The following STX2 variants were observed in gnomAD, a reference collection of about 807,000 sequenced individuals.
STX2 encodes syntaxin-2.
In STX2, 27 loss-of-function variants were observed where a neutral mutation model predicts 40.6. The ratio of observed to expected loss-of-function variants is 0.66; its 90% CI spans 0.49 to 0.92. The LOEUF (loss-of-function observed/expected upper bound fraction) is 0.92, where lower values mean the gene tolerates loss of function less well. Ranked by LOEUF, STX2 falls within the 40% of genes least tolerant of loss-of-function variation. STX2 has a pLI of 0.00. For missense variants in STX2, 328 were observed against 366.1 expected (o/e 0.90, Z 0.85); for synonymous variants, 123 against 119.1 (o/e 1.03, Z -0.22).
chr12:130,839,069 C>A lies in STX2; in HGVS notation c.30+1G>T. On this transcript the variant is annotated splice_donor_variant, in intron 1 of 10. Coordinates refer to ENST00000392373, the MANE Select transcript of STX2 (RefSeq NM_194356.4). LOFTEE classifies it high-confidence loss of function. ...AACCGCTACCCGCGGCTGCCGCTCA[C>A]CGCCGTCAGGTCTGGCAGCCGGTCC... The A allele has an allele frequency of 3.0e-6, 4 of 1,342,970 alleles. No homozygotes were observed. The highest frequency in any genetic ancestry group is 2.9e-6 in the Non-Finnish European group (3 of 1,043,646). 83.2% of individuals were successfully genotyped at this position (1,342,970 alleles called of 1,614,324 possible). A position where few individuals can be genotyped will look rare whatever the true frequency, so the allele number is the denominator to read the frequency against.
intron 6 of STX2, among the ~76,000 whole-genome samples, chr12:130,804,569 C>G (rs1158969525): frequency 6.6e-6 from 1 of 151,810 alleles, no homozygotes; most frequent in African/African-American, 2.4e-5. Flanking sequence ...TTTCTGAGGG[C>G]AGGCGGCTGT....
chr12:130,818,185 A>AAATATATATATATATATATATATAT, intron 3 of STX2, among the ~76,000 whole-genome samples: 2 of 70,540 alleles, frequency 2.8e-5, no homozygotes, highest in African/African-American at 1.2e-4. Context: ...AAAAAAAAAA[A>AAATATATATATATATATATATATAT]ATATATATAT....
intron 9 of STX2, chr12:130,798,250 CAAA>C (rs5801935): frequency 0.015 from 2,187 of 146,424 alleles, no homozygotes; most frequent in South Asian, 0.033. Context: ...AACTCCAATT[CAAA>C]AAAAAAAAAA....
At chr12:130,835,293 A>G (rs1326317448) in intron 1 of STX2, among the ~76,000 whole-genome samples, 1 of 150,490 alleles carries the variant, frequency 6.6e-6, no homozygotes. Context: ...TGTCTCAAAG[A>G]AAAAAAAAAG....
chr12:130,812,401 C>T (rs764698027), intron 4 of STX2: 14 of 453,180 alleles, frequency 3.1e-5, no homozygotes, highest in South Asian at 1.1e-4. Flanking sequence ...GCTGGGGGGT[C>T]GGCTTGTGGT....
At chr12:130,833,224 TACA>T (rs1236151308) in intron 1 of STX2, among the ~76,000 whole-genome samples, 2 of 151,304 alleles carry the variant, frequency 1.3e-5, no homozygotes, top group Non-Finnish European at 2.9e-5. Context: ...AGTGGGAAAG[TACA>T]CACAAATGAC....
intron 9 of STX2, among the ~76,000 whole-genome samples, chr12:130,796,731 G>A (rs1014077467): frequency 1.3e-5 from 2 of 152,156 alleles, no homozygotes; most frequent in African/African-American, 2.4e-5. Context: ...ATGTACAGAG[G>A]TGCGGGCCTG....
At chr12:130,818,448 T>C (rs1281593328) in intron 3 of STX2, among the ~76,000 whole-genome samples, 3 of 151,744 alleles carry the variant, frequency 2.0e-5, no homozygotes, top group Non-Finnish European at 2.9e-5. Flanking sequence ...CACTAGCTCA[T>C]TTCACACGTG....
intron 2 of STX2, among the ~76,000 whole-genome samples, chr12:130,826,165 C>G (rs1952295460): frequency 6.6e-6 from 1 of 152,230 alleles, no homozygotes; most frequent in South Asian, 2.1e-4. Flanking sequence ...ATTTCAGACC[C>G]TGAGCCCTCT....
intron 1 of STX2, among the ~76,000 whole-genome samples, chr12:130,832,165 A>ATT (rs537493246): frequency 6.8e-6 from 1 of 146,840 alleles, no homozygotes; most frequent in Non-Finnish European, 1.5e-5. Flanking sequence ...CAATTTAATC[A>ATT]TTTTTTTTTT....
chr12:130,830,433 G>A (rs527824351), intron 1 of STX2, among the ~76,000 whole-genome samples: 2 of 152,252 alleles, frequency 1.3e-5, no homozygotes, highest in South Asian at 2.1e-4. Flanking sequence ...GTGGCGTGGC[G>A]TCAATCCTCC....
chr12:130,801,574 A>G (rs2277336), intron 6 of STX2, 86 bp from the exon 7 acceptor site: 454,725 of 1,366,678 alleles, frequency 0.33, 77,973 homozygotes, highest in African/African-American at 0.46. Context: ...AGCAACTACA[A>G]TCATAGTTGT....
intron 10 of STX2, among the ~76,000 whole-genome samples, chr12:130,794,011 G>A (rs963721908): frequency 2.6e-5 from 4 of 152,168 alleles, no homozygotes; most frequent in African/African-American, 9.7e-5. Context: ...CTCCCCAGGG[G>A]TCACACTGAG....
chr12:130,813,581 G>GC lies in STX2; in HGVS notation c.206-551dup. On this transcript the variant is annotated intron_variant, in intron 3 of 10. Coordinates refer to ENST00000392373, the MANE Select transcript of STX2 (RefSeq NM_194356.4). ...AGACACTCAGGGCTGCAAGCAGGGG[G>GC]CGATGGAGGCAGGGGCCGGCCTCCT... Among the ~76,000 whole-genome samples, 5 of 152,322 alleles carry GC rather than the reference G, an allele frequency of 3.3e-5. 1 individual carries two copies. Among genetic ancestry groups the GC allele is most frequent in the Admixed American group, 3.3e-4 (5 of 15,302 alleles).
chr12:130,811,958 A>G (rs1462397698), intron 4 of STX2, among the ~76,000 whole-genome samples: 1 of 152,220 alleles, frequency 6.6e-6, no homozygotes, highest in Non-Finnish European at 1.5e-5. Flanking sequence ...GAATTTAACT[A>G]CCAACCTACA....
intron 9 of STX2, among the ~76,000 whole-genome samples, chr12:130,798,215 C>T (rs903900743): frequency 6.9e-6 from 1 of 145,010 alleles, no homozygotes; most frequent in Non-Finnish European, 1.5e-5. Flanking sequence ...CCATTGCACT[C>T]TACTAGCCTG....
chr12:130,806,606 G>A (rs1238740066), intron 6 of STX2, among the ~76,000 whole-genome samples: 1 of 152,130 alleles, frequency 6.6e-6, no homozygotes, highest in Non-Finnish European at 1.5e-5. Context: ...AAAGAGTCTG[G>A]GGCAATAGGG....
intron 1 of STX2, among the ~76,000 whole-genome samples, chr12:130,838,291 G>C (rs1223259596): frequency 6.6e-6 from 1 of 152,224 alleles, no homozygotes; most frequent in Non-Finnish European, 1.5e-5. Flanking sequence ...CGCTGTCACT[G>C]CACCATGCAC....
chr12:130,818,170 C>CAAAA (rs756794046), intron 3 of STX2, among the ~76,000 whole-genome samples: 35 of 49,842 alleles, frequency 7.0e-4, no homozygotes, highest in East Asian at 3.4e-3. Flanking sequence ...GCTGTTTCTA[C>CAAAA]AAAAAAAAAA....
Sources: allele counts gnomAD v4.1 joint callset (sites outside exome capture counted in the v4.1 genomes callset), GRCh38; gene constraint gnomAD v4.1.1; transcripts MANE v1.5; gene names NCBI Gene and HGNC (gene_info 2026-07-23, HGNC 2026-07-21).